Variants in NWD1 observed in about 807,000 individuals in gnomAD.
The protein encoded by NWD1 is NACHT domain- and WD repeat-containing protein 1.
NWD1 carries 129 observed loss-of-function variants against 135.1 expected under a neutral mutation model. The observed-to-expected ratio is 0.96, with a 90% CI of 0.83 to 1.11. NWD1 has a LOEUF of 1.11. NWD1 is among the 50% of genes least tolerant of loss of function. The pLI is 0.00. For missense variants in NWD1, 1,740 were observed against 1,851.3 expected (o/e 0.94, Z 1.10); for synonymous variants, 773 against 786.0 (o/e 0.98, Z 0.28).
In NWD1 at chr19:16,749,967, T is replaced by C; in HGVS notation, c.1325T>C (p.Leu442Pro). 1 of 1,613,856 alleles carries C rather than the reference T, an allele frequency of 6.2e-7. No homozygotes were observed. The highest frequency in any genetic ancestry group is 1.1e-5 in the South Asian group (1 of 91,088). ...CTCCTGCTGGATGCTATGGATGACC[T>C]GGACTCTGTCCGCCATGCTCGGAGG... ...LVLLLDAMDD[L>P]DSVRHARRVP... Residue 442 changes from leucine (L) to proline (P), a missense_variant, in exon 6 of 19, where the codon CTG becomes CCG. Transcript: ENST00000524140.
intron 6 of NWD1, among the ~76,000 whole-genome samples, chr19:16,753,871 A>AT (rs1355761109): frequency 6.9e-6 from 1 of 144,626 alleles, no homozygotes; most frequent in Non-Finnish European, 1.5e-5. Flanking sequence ...CCATCCATTC[A>AT]TCAATTCGAC....
rs138635706 is a variant in NWD1, at chr19:16,725,158, C to T, written c.-7+695C>T. Among the ~76,000 whole-genome samples, 1,183 of 151,610 alleles carry T rather than the reference C, an allele frequency of 7.8e-3. 4 individuals are homozygous for T. Among genetic ancestry groups the T allele is most frequent in the Non-Finnish European group, 0.012 (821 of 67,874 alleles). The stretch of plus-strand genomic sequence containing the variant: ...CCTCTCGAATAGCTGGGACTACAGG[C>T]GTGCACCACCATGGCCAGCTAATTT... On this transcript the variant is annotated intron_variant, in intron 2 of 18. Transcript: ENST00000524140.
chr19:16,788,433 G>A (rs968315324), intron 12 of NWD1, among the ~76,000 whole-genome samples: 4 of 151,098 alleles, frequency 2.6e-5, no homozygotes, highest in African/African-American at 9.7e-5. Context: ...GCCAGGCATG[G>A]CGGCAGGTGC....
Position 16,749,485 on chromosome 19 carries a change from C to A in NWD1, c.843C>A (p.Leu281=). ...VRANHQVLTR[L]RELDTAGQEL... ...CCAATCACCAGGTCCTCACACGCCTCCGTGAGCTGGATACGGCCGGACAGG... is the reference window on the plus strand; with the variant it reads ...CCAATCACCAGGTCCTCACACGCCTACGTGAGCTGGATACGGCCGGACAGG... Residue 281 remains leucine (L), a synonymous_variant, in exon 6 of 19, where the codon CTC becomes CTA. Transcript: ENST00000524140. 6.2e-7 allele frequency: 1 copy of A among 1,612,006 alleles called. No individual in the cohort carries two copies. Among genetic ancestry groups the A allele is most frequent in the East Asian group, 2.2e-5 (1 of 44,806 alleles).
At chr19:16,772,472 C>T (rs1179001928) in intron 10 of NWD1, among the ~76,000 whole-genome samples, 2 of 152,058 alleles carry the variant, frequency 1.3e-5, no homozygotes, top group Admixed American at 1.3e-4. Context: ...ATGGTGAAAC[C>T]CCGTTTCCAC....
intron 12 of NWD1, among the ~76,000 whole-genome samples, chr19:16,780,259 C>T (rs991724502): frequency 1.3e-5 from 2 of 151,356 alleles, no homozygotes; most frequent in African/African-American, 4.9e-5. Context: ...AGGTTCACGC[C>T]ATTCTCCTGC....
At chr19:16,781,966 T>C (rs1465752910) in intron 12 of NWD1, among the ~76,000 whole-genome samples, 7 of 150,906 alleles carry the variant, frequency 4.6e-5, no homozygotes, top group East Asian at 2.0e-4. Context: ...TGATGGTGGG[T>C]GCCTGTAGTC....
rs757875237 is a variant in NWD1 at position 16,762,084 on chromosome 19, C to CTGGGTCCTG, written c.2079_2080insTGGGTCCTG (p.Thr693_Lys694insTrpValLeu). On this transcript the variant is annotated inframe_insertion, in exon 8 of 19. Transcript: ENST00000524140. Reference sequence around the variant, plus strand: ...TCTCAGGGACCTGGAGCCAGGGTACCAAGAAGCTCATCACTCTGCCACTTG... The same window carrying CTGGGTCCTG: ...TCTCAGGGACCTGGAGCCAGGGTACCTGGGTCCTGAAGAAGCTCATCACTCTGCCACTTG... 9 of 1,613,960 alleles carry CTGGGTCCTG rather than the reference C, an allele frequency of 5.6e-6. No homozygotes were observed. Among genetic ancestry groups the CTGGGTCCTG allele is most frequent in the Non-Finnish European group, 6.8e-6 (8 of 1,180,008 alleles).
chr19:16,788,428 G>GC (rs1309292878), intron 12 of NWD1, among the ~76,000 whole-genome samples: 1 of 151,198 alleles, frequency 6.6e-6, no homozygotes, highest in Admixed American at 6.6e-5. Flanking sequence ...AATTAGCCAG[G>GC]CATGGCGGCA....
chr19:16,731,580 C>T (rs780041256), intron 3 of NWD1, among the ~76,000 whole-genome samples: 25 of 149,118 alleles, frequency 1.7e-4, no homozygotes, highest in African/African-American at 4.5e-4. Context: ...GCTGGGATTA[C>T]AGGCGTGAGC....
intron 6 of NWD1, among the ~76,000 whole-genome samples, chr19:16,758,959 G>A (rs1968897313): frequency 7.5e-6 from 1 of 132,520 alleles, no homozygotes. Context: ...AGCCGAGATT[G>A]CACCACTGCA....
chr19:16,791,299 G>GGCAGGAGAC, intron 13 of NWD1, 51 bp from the exon 14 acceptor site: 1 of 1,558,116 alleles, frequency 6.4e-7, no homozygotes, highest in Non-Finnish European at 8.8e-7. Context: ...CGGGAAACTT[G>GGCAGGAGAC]TAGTCTAGGT....
At chr19:16,793,028 G>A (rs1460488314) in intron 14 of NWD1, among the ~76,000 whole-genome samples, 1 of 150,288 alleles carries the variant, frequency 6.7e-6, no homozygotes, top group African/African-American at 2.4e-5. Context: ...CTGAGTGACA[G>A]AGCCAGGCCC....
intron 11 of NWD1, among the ~76,000 whole-genome samples, chr19:16,774,445 A>C (rs966250250): frequency 6.8e-6 from 1 of 146,470 alleles, no homozygotes; most frequent in African/African-American, 2.6e-5. Context: ...TCTTTCATTC[A>C]TCTACTGTTC....
intron 16 of NWD1, 72 bp from the exon 17 acceptor site, chr19:16,799,814 G>A (rs989204974): frequency 6.2e-6 from 9 of 1,443,354 alleles, no homozygotes; most frequent in African/African-American, 2.8e-5. Context: ...GGCCCAATGG[G>A]CTGAAGCGTA....
chr19:16,788,879 T>C, intron 12 of NWD1, 103 bp from the exon 13 acceptor site: 3 of 781,890 alleles, frequency 3.8e-6, no homozygotes, highest in Non-Finnish European at 6.7e-6. Context: ...ATCCATCTTT[T>C]CTTTGGTAAA....
chr19:16,781,209 A>G (rs1040302759), intron 12 of NWD1, among the ~76,000 whole-genome samples: 14 of 152,152 alleles, frequency 9.2e-5, no homozygotes, highest in Admixed American at 3.3e-4. Context: ...ATGGAAAACT[A>G]TTCATTCTTG....
Position 16,789,187 on chromosome 19 carries a change from A to C in NWD1, c.2937A>C (p.Ser979=). 1.2e-6 allele frequency: 2 copies of C among 1,611,776 alleles called. No individual in the cohort carries two copies. The highest frequency in any genetic ancestry group is 1.7e-6 in the Non-Finnish European group (2 of 1,177,928). ...AAGTTGTGTATTCAGCATCTGGCTCAAAGGTAACAAACATATGCCCTGTTT... is the reference window on the plus strand; with the variant it reads ...AAGTTGTGTATTCAGCATCTGGCTCCAAGGTAACAAACATATGCCCTGTTT... The part of the protein sequence containing the change: ...AHKVVYSASG[S]KINAWNLETA... Residue 979 remains serine (S), a synonymous_variant, in exon 13 of 19, where the codon TCA becomes TCC. Coordinates refer to ENST00000524140, the MANE Select transcript of NWD1 (RefSeq NM_001007525.5).
intron 17 of NWD1, 21 bp downstream of exon 17, chr19:16,800,183 G>T: frequency 6.3e-7 from 1 of 1,579,346 alleles, no homozygotes; most frequent in Non-Finnish European, 8.6e-7. Context: ...TATAAGTATG[G>T]TCATTTTTGT....
Sources: gnomAD v4.1 joint callset for allele counts (sites outside exome capture counted in the v4.1 genomes callset) on GRCh38, gnomAD v4.1.1 for gene constraint, MANE v1.5 for transcripts, NCBI Gene and HGNC (gene_info 2026-07-23, HGNC 2026-07-21) for gene names.